The following C5 variants were observed in gnomAD, a reference collection of about 807,000 sequenced individuals.
C5 encodes the protein C3 and PZP-like alpha-2-macroglobulin domain-containing protein 4.
A neutral mutation model predicts 218.8 loss-of-function variants in C5; 140 were observed. The observed-to-expected ratio is 0.64, with a 90% CI of 0.56 to 0.74. C5 has a LOEUF of 0.74. C5 is among the 30% of genes least tolerant of loss of function. The pLI is 0.00. For synonymous variants in C5, 614 were observed against 682.3 expected (o/e 0.90, Z 1.56); for missense variants, 1,700 against 1,969.6 (o/e 0.86, Z 2.59).
intron 18 of C5, among the ~76,000 whole-genome samples, chr9:121,007,194 G>C (rs1055740741): frequency 1.3e-5 from 2 of 152,200 alleles, no homozygotes; most frequent in Admixed American, 6.5e-5. Context: ...CCTCTATGAT[G>C]AGAATTCAAG....
At chr9:120,989,892 CA>C in intron 23 of C5, 112 bp from the exon 24 acceptor site, 1 of 811,300 alleles carries the variant, frequency 1.2e-6, no homozygotes, top group South Asian at 1.5e-5. Flanking sequence ...TTTATCTAGG[CA>C]GTTGACTTGC....
the C5 span, among the ~76,000 whole-genome samples, chr9:121,072,575 G>A: frequency 6.6e-6 from 1 of 152,114 alleles, no homozygotes; most frequent in South Asian, 2.1e-4. Context: ...GGGAGGCCGA[G>A]GCGGGCGGAT....
the C5 span, among the ~76,000 whole-genome samples, chr9:121,063,121 C>T: frequency 6.6e-6 from 1 of 151,116 alleles, no homozygotes; most frequent in African/African-American, 2.4e-5. Flanking sequence ...TGTTGGTATG[C>T]TCGATGGTAT....
chr9:121,044,636 T>A (rs573484368), intron 2 of C5, among the ~76,000 whole-genome samples: 4 of 152,326 alleles, frequency 2.6e-5, no homozygotes, highest in Admixed American at 6.5e-5. Flanking sequence ...ATACATGATA[T>A]TGCTATGATA....
At position 121,025,558 on chromosome 9, in the gene C5, A is replaced by G; in HGVS notation, c.896T>C (p.Val299Ala). The change falls in exon 9 of 41, where the codon GTC (valine) becomes GCC (alanine). Residue 299 changes from valine (V) to alanine (A), a missense_variant. By Grantham distance (64) the Val-to-Ala change is moderately conservative. Transcript: ENST00000223642. ...NTMLINGIAQ[V>A]TFDSETAVKE... ...GACTGCTGTTTCAGAATCAAATGTG[A>G]CTTGAGCAATTCCATTTATCAACTT... 6.2e-7 allele frequency: 1 copy of G among 1,612,928 alleles called. No homozygotes were observed. The highest frequency in any genetic ancestry group is 1.7e-4 in the Middle Eastern group (1 of 6,048).
intron 14 of C5, 42 bp from the exon 15 acceptor site, chr9:121,016,425 A>G: frequency 6.2e-7 from 1 of 1,611,828 alleles, no homozygotes; most frequent in East Asian, 2.2e-5. Context: ...GAGATGTATA[A>G]ATCATTCCTC....
At chr9:121,024,761 G>C (rs190385763) in intron 9 of C5, among the ~76,000 whole-genome samples, 1 of 152,250 alleles carries the variant, frequency 6.6e-6, no homozygotes, top group African/African-American at 2.4e-5. Flanking sequence ...ATTTTGCTTA[G>C]AGCTCATATG....
upstream of C5, among the ~76,000 whole-genome samples, chr9:121,052,042 G>C (rs968685854): frequency 3.3e-5 from 5 of 152,206 alleles, no homozygotes; most frequent in Non-Finnish European, 7.3e-5. Context: ...TTCTCTGGTA[G>C]AAAACATTTA....
chr9:121,068,507 CT>C, the C5 span, among the ~76,000 whole-genome samples: 1 of 152,128 alleles, frequency 6.6e-6, no homozygotes, highest in Non-Finnish European at 1.5e-5. Context: ...AGACATCTCA[CT>C]TTTCATGGAT....
intron 9 of C5, among the ~76,000 whole-genome samples, chr9:121,024,888 A>G (rs554851318): frequency 2.0e-5 from 3 of 152,344 alleles, no homozygotes; most frequent in South Asian, 4.1e-4. Context: ...CTGTTTGGCA[A>G]TACTTTAAAT....
intron 27 of C5, 99 bp from the exon 28 acceptor site, chr9:120,980,353 T>A: frequency 9.7e-7 from 1 of 1,028,486 alleles, no homozygotes; most frequent in Non-Finnish European, 1.5e-6. Flanking sequence ...GCAAGCAATA[T>A]GGGGGTGAAA....
intron 38 of C5, among the ~76,000 whole-genome samples, chr9:120,957,774 G>A (rs1405964370): frequency 6.6e-6 from 1 of 152,144 alleles, no homozygotes; most frequent in Non-Finnish European, 1.5e-5. Flanking sequence ...CTCTCATTCA[G>A]GTCTACCATG....
At chr9:120,973,431 C>G (rs567885842) in intron 30 of C5, among the ~76,000 whole-genome samples, 3 of 152,064 alleles carry the variant, frequency 2.0e-5, no homozygotes, top group African/African-American at 4.8e-5. Context: ...TGCAGAGGCC[C>G]GGGCACAAAG....
At chr9:120,998,596 C>A (rs2047136891) in intron 20 of C5, among the ~76,000 whole-genome samples, 1 of 152,190 alleles carries the variant, frequency 6.6e-6, no homozygotes, top group Admixed American at 6.5e-5. Flanking sequence ...ATCAACTTCC[C>A]ATTTGTACCC....
the C5 span, among the ~76,000 whole-genome samples, chr9:121,067,424 C>T: frequency 2.2e-4 from 34 of 151,856 alleles, no homozygotes; most frequent in African/African-American, 7.5e-4. Flanking sequence ...ATTAGCTGGG[C>T]GTGGTGGTGC....
chr9:120,992,558 AT>A (rs1428161690), intron 22 of C5, among the ~76,000 whole-genome samples: 1 of 152,170 alleles, frequency 6.6e-6, no homozygotes, highest in African/African-American at 2.4e-5. Context: ...CTCCTTCACC[AT>A]TTTCTCCATT....
intron 17 of C5, among the ~76,000 whole-genome samples, chr9:121,012,735 A>G (rs1378071756): frequency 6.6e-6 from 1 of 152,200 alleles, no homozygotes; most frequent in Non-Finnish European, 1.5e-5. Context: ...ACACTAATCT[A>G]GATGGTATAA....
chr9:121,032,063 A>C (rs765869199), intron 6 of C5, 50 bp downstream of exon 6: 4 of 1,219,288 alleles, frequency 3.3e-6, no homozygotes, highest in Non-Finnish European at 4.8e-6. Context: ...ACTCCATCTC[A>C]AAAACAAAAA....
At chr9:120,967,058 A>C (rs758574097) in intron 33 of C5, among the ~76,000 whole-genome samples, 9 of 152,046 alleles carry the variant, frequency 5.9e-5, no homozygotes, top group Non-Finnish European at 1.0e-4. Flanking sequence ...TTAGGAGTTC[A>C]AGACCAGCCT....
Sources: gnomAD v4.1 joint callset for allele counts (sites outside exome capture counted in the v4.1 genomes callset) on GRCh38, gnomAD v4.1.1 for gene constraint, MANE v1.5 for transcripts, NCBI Gene and HGNC (gene_info 2026-07-23, HGNC 2026-07-21) for gene names.